TMEM242: variants seen among roughly 807,000 people sequenced by gnomAD.
TMEM242 encodes the protein transmembrane protein 242.
TMEM242 carries 10 observed loss-of-function variants against 18.2 expected under a neutral mutation model. The ratio of observed to expected loss-of-function variants is 0.55; its 90% confidence interval spans 0.34 to 0.93. The LOEUF is 0.93. TMEM242 is among the 40% of genes least tolerant of loss of function. The probability of loss-of-function intolerance (pLI) is 0.02; values close to 1 mark genes in which losing one functional copy is unlikely to be tolerated. For missense variants in TMEM242, 186 were observed against 175.5 expected (o/e 1.06, Z -0.34); for synonymous variants, 57 against 69.9 (o/e 0.81, Z 0.92).
rs1013512021 is a variant in TMEM242, at chr6:157,305,933, G to A, written c.327+12849C>T. Among the ~76,000 whole-genome samples, 5 of 152,168 alleles carry A rather than the reference G, an allele frequency of 3.3e-5. No individual in the cohort carries two copies. Among genetic ancestry groups the A allele is most frequent in the African/African-American group, 1.2e-4 (5 of 41,434 alleles). On this transcript the variant is annotated intron_variant, in intron 3 of 3. Coordinates refer to ENST00000400788, the MANE Select transcript of TMEM242 (RefSeq NM_018452.6). The surrounding 1 kb of genome is among the most constrained non-coding windows in gnomAD (Gnocchi z 4.1). ...GGCAGTGACCACAGACAACTCTTTC[G>A]GGAAGCTTTTTGTGTAAAGGGGAGC... is the stretch of plus-strand genomic sequence containing the variant.
chr6:157,315,014 G>T (rs587606035), intron 3 of TMEM242, among the ~76,000 whole-genome samples: 2 of 152,284 alleles, frequency 1.3e-5, no homozygotes, highest in East Asian at 3.9e-4. Context: ...TTTAACGCTG[G>T]AGTTGATTTT....
chr6:157,312,561 C>A (rs797023759), intron 3 of TMEM242, among the ~76,000 whole-genome samples: 10,834 of 103,140 alleles, frequency 0.11, 125 homozygotes, highest in East Asian at 0.31. Flanking sequence ...TCATAGTGCC[C>A]CAGTGTACGC....
chr6:157,301,536 T>G (rs1178549878), intron 3 of TMEM242, among the ~76,000 whole-genome samples: 1 of 152,152 alleles, frequency 6.6e-6, no homozygotes, highest in Non-Finnish European at 1.5e-5. Flanking sequence ...GGTCTCTAAC[T>G]CCTGATCTCA....
intron 3 of TMEM242, 154 bp downstream of exon 3, chr6:157,318,628 C>T: frequency 2.6e-6 from 2 of 771,050 alleles, no homozygotes; most frequent in Non-Finnish European, 4.1e-6. Flanking sequence ...AAGAAGTTGT[C>T]TAGTTATTTG....
At chr6:157,312,186 T>C (rs113795960) in intron 3 of TMEM242, among the ~76,000 whole-genome samples, 336 of 33,234 alleles carry the variant, frequency 0.01, 1 homozygote, top group African/African-American at 0.014. Flanking sequence ...GGCCTCATCA[T>C]AGTGTCCCAG....
chr6:157,312,701 T>G (rs1554249392), intron 3 of TMEM242, among the ~76,000 whole-genome samples: 3 of 151,624 alleles, frequency 2.0e-5, no homozygotes, highest in Non-Finnish European at 2.9e-5. Context: ...AGTGTCCCAG[T>G]GTGCGCTCAC....
chr6:157,295,361 T>C (rs1237060488), intron 3 of TMEM242, among the ~76,000 whole-genome samples: 2 of 152,242 alleles, frequency 1.3e-5, no homozygotes, highest in Non-Finnish European at 2.9e-5. Flanking sequence ...TAGACTTTTG[T>C]AGTTGAAAAA....
intron 3 of TMEM242, among the ~76,000 whole-genome samples, chr6:157,293,885 T>C (rs1312342255): frequency 6.6e-6 from 1 of 152,056 alleles, no homozygotes; most frequent in Non-Finnish European, 1.5e-5. Context: ...AGGCATGTGC[T>C]AACTTTTGCA....
intron 3 of TMEM242, among the ~76,000 whole-genome samples, chr6:157,312,538 T>A (rs199806804): frequency 5.9e-4 from 37 of 62,886 alleles, no homozygotes; most frequent in Middle Eastern, 0.016. Flanking sequence ...CAGTGTGCAC[T>A]CAGCTAGCCT....
intron 3 of TMEM242, among the ~76,000 whole-genome samples, chr6:157,304,389 C>T (rs1777875791): frequency 7.2e-6 from 1 of 138,692 alleles, no homozygotes; most frequent in Non-Finnish European, 1.5e-5. Flanking sequence ...TGCTTGAACC[C>T]AAGAGGCAGA....
chr6:157,298,155 C>T (rs190186151), intron 3 of TMEM242, among the ~76,000 whole-genome samples: 42 of 152,316 alleles, frequency 2.8e-4, no homozygotes, highest in Middle Eastern at 6.8e-3. Context: ...CCAGGAGGCT[C>T]TTAGAGCCAG....
intron 3 of TMEM242, among the ~76,000 whole-genome samples, chr6:157,297,328 A>G (rs1449494608): frequency 2.0e-5 from 3 of 152,216 alleles, no homozygotes; most frequent in Non-Finnish European, 4.4e-5. Context: ...GGGGAAAAAC[A>G]CTTGAAAACA....
intron 2 of TMEM242, 49 bp downstream of exon 2, chr6:157,322,656 T>C (rs1778514164): frequency 9.3e-6 from 14 of 1,498,464 alleles, no homozygotes; most frequent in Non-Finnish European, 1.3e-5. Flanking sequence ...AAAGCTGCCA[T>C]ATATTGTAAA....
chr6:157,311,439 AGT>A (rs1778090175), intron 3 of TMEM242, among the ~76,000 whole-genome samples: 1 of 129,626 alleles, frequency 7.7e-6, no homozygotes, highest in Non-Finnish European at 1.7e-5. Flanking sequence ...GCCTCATCAT[AGT>A]GTCCCAGTGT....
chr6:157,322,423 G>A (rs782502156), intron 2 of TMEM242, among the ~76,000 whole-genome samples: 25 of 152,292 alleles, frequency 1.6e-4, no homozygotes, highest in Non-Finnish European at 3.7e-4. Context: ...GAACCACGAT[G>A]CCTGGCCCAA....
At chr6:157,306,450 G>C (rs1389768194) in intron 3 of TMEM242, among the ~76,000 whole-genome samples, 2 of 152,206 alleles carry the variant, frequency 1.3e-5, no homozygotes, top group African/African-American at 2.4e-5. Flanking sequence ...TGGCTTTTCT[G>C]TCTGGGCAGC....
chr6:157,307,849 G>A (rs915648140), intron 3 of TMEM242, among the ~76,000 whole-genome samples: 3 of 152,196 alleles, frequency 2.0e-5, no homozygotes, highest in Non-Finnish European at 2.9e-5. Flanking sequence ...CTATGAAGAA[G>A]TGGAAACGAG....
At chr6:157,304,971 AGGTG>A (rs1554247814) in intron 3 of TMEM242, among the ~76,000 whole-genome samples, 1 of 152,138 alleles carries the variant, frequency 6.6e-6, no homozygotes, top group African/African-American at 2.4e-5. Context: ...GGAAGAGGTG[AGGTG>A]GGCAATTGTG....
chr6:157,312,372 C>G (rs1249638298), intron 3 of TMEM242, among the ~76,000 whole-genome samples: 1 of 142,184 alleles, frequency 7.0e-6, no homozygotes, highest in African/African-American at 2.7e-5. Context: ...AGTGTGCACT[C>G]ACCTGCCCTC....
Sources: gnomAD v4.1 joint callset for allele counts (sites outside exome capture counted in the v4.1 genomes callset) on GRCh38, gnomAD v4.1.1 for gene constraint, Gnocchi (gnomAD v3.1) non-coding constraint, MANE v1.5 for transcripts, NCBI Gene and HGNC (gene_info 2026-07-23, HGNC 2026-07-21) for gene names.